The following ZNF541 variants were observed in gnomAD, a reference collection of about 807,000 sequenced individuals.
ZNF541 encodes the protein zinc finger protein 541.
A neutral mutation model predicts 123.5 loss-of-function variants in ZNF541; 23 were observed. The observed-to-expected ratio is 0.19, with a 90% CI of 0.13 to 0.26. The LOEUF is 0.26. ZNF541 is among the 10% of genes least tolerant of loss of function. The probability of loss-of-function intolerance (pLI) is 1.00; values close to 1 mark genes in which losing one functional copy is unlikely to be tolerated. For synonymous variants in ZNF541, 751 were observed against 754.5 expected, an observed-to-expected ratio of 1.00 and a Z score of 0.08; for missense variants, 1,612 against 1,789.9, an observed-to-expected ratio of 0.90 and a Z score of 1.79.
At position 47,532,900 on chromosome 19, in the gene ZNF541, C is replaced by G; in HGVS notation, c.3158+9G>C. 6.5e-7 allele frequency: 1 copy of G among 1,549,442 alleles called. No individual in the cohort carries two copies. The highest frequency in any genetic ancestry group is 8.7e-7 in the Non-Finnish European group (1 of 1,145,804). On this transcript the variant is annotated intron_variant, in intron 10 of 16. Coordinates refer to ENST00000391901, the MANE Select transcript of ZNF541 (RefSeq NM_001277075.3). ...TAAAAGCAGCTTCACTGGAAAGGAC[C>G]CAACTTACGGCTCAATGCTGATTTT...
intron 5 of ZNF541, among the ~76,000 whole-genome samples, chr19:47,542,253 T>G (rs536080841): frequency 6.6e-6 from 1 of 152,186 alleles, no homozygotes; most frequent in African/African-American, 2.4e-5. Context: ...GGGTGACAAC[T>G]AAGAAATGTG....
intron 5 of ZNF541, among the ~76,000 whole-genome samples, chr19:47,542,594 G>A (rs1371900160): frequency 2.0e-5 from 3 of 152,174 alleles, no homozygotes; most frequent in Non-Finnish European, 2.9e-5. Flanking sequence ...AGAGGCTGCA[G>A]TAAGCCAAGA....
rs1970246977 is a variant in ZNF541, at chr19:47,544,742, G to C, written c.1787C>G (p.Pro596Arg). ...CAGTGGTGGGGGCTGCTGCGGCCAC[G>C]GCCCCTGCAGCGGCCTCAGGGCGGC... ...KPAALRPLQG[P>R]WPQQPPPLAP... The change falls in exon 5 of 17, where the codon CCG becomes CGG. Residue 596 changes from proline (P) to arginine (R), a missense_variant. Pro to Arg is a moderately radical substitution (Grantham distance 103). Transcript: ENST00000391901. 1 of 1,499,610 alleles carries C rather than the reference G, an allele frequency of 6.7e-7. No homozygotes were observed. The highest frequency in any genetic ancestry group is 1.3e-5 in the South Asian group (1 of 78,504). The allele number at this position is 1,499,610 out of a possible 1,614,324, so 92.9% of individuals were successfully genotyped here. A position where few individuals can be genotyped will look rare whatever the true frequency, so the allele number is the denominator to read the frequency against.
Position 47,570,929 on chromosome 19 carries a change from CAG to C in ZNF541, c.-99+965_-99+966del, listed in dbSNP as rs1284457176. On this transcript the variant is annotated intron_variant, in intron 2 of 16. Coordinates refer to ENST00000391901, the MANE Select transcript of ZNF541 (RefSeq NM_001277075.3). ...CACCACTGCACTCCAGCCTGGGAAACAGAGAGAGACTCCATCTCAAAAAGAAA... is the reference window on the plus strand; with the variant it reads ...CACCACTGCACTCCAGCCTGGGAAACAGAGAGACTCCATCTCAAAAAGAAA... Among the ~76,000 whole-genome samples, 9 of 142,986 alleles carry C rather than the reference CAG, an allele frequency of 6.3e-5. No homozygotes were observed. The East Asian group carries it at 1.2e-3, about 20-fold the overall frequency. 93.8% of individuals were successfully genotyped at this position (142,986 alleles called of 152,430 possible).
At chr19:47,536,122 G>A (rs1969808197) in intron 9 of ZNF541, among the ~76,000 whole-genome samples, 1 of 152,346 alleles carries the variant, frequency 6.6e-6, no homozygotes, top group East Asian at 1.9e-4. Flanking sequence ...TCATGCTATT[G>A]TTTGTGGTTT....
At position 47,540,188 on chromosome 19, in the gene ZNF541, C is replaced by A; in HGVS notation, c.2610G>T (p.Lys870Asn). 2 of 1,550,864 alleles carry A rather than the reference C, an allele frequency of 1.3e-6. No homozygotes were observed. Among genetic ancestry groups the A allele is most frequent in the Non-Finnish European group, 1.7e-6 (2 of 1,146,820 alleles). The change falls in exon 7 of 17, where the codon AAG (lysine) becomes AAT (asparagine). Residue 870 changes from lysine to asparagine, a missense_variant. Around this residue, in one of 5 missense-constraint regions of ZNF541, gnomAD observed 1,080 missense variants for 1,013.8 expected, o/e 1.07. Transcript: ENST00000391901. ...CGTCCCCCTTCACCTGCGGTTCCTGCTTCCCTCGAGGTGACGGCCACTGGT... is the reference window on the plus strand; with the variant it reads ...CGTCCCCCTTCACCTGCGGTTCCTGATTCCCTCGAGGTGACGGCCACTGGT... ...HSDQWPSPRG[K>N]QEPQVFGTEF... is the part of the protein sequence containing the mutation.
chr19:47,539,736 G>A lies in ZNF541; in HGVS notation c.2765C>T (p.Pro922Leu). Residue 922 changes from proline (P) to leucine (L), a missense_variant, in exon 8 of 17, where the codon CCA (proline) becomes CTA (leucine). Physicochemically the swap from Pro to Leu is moderately conservative, Grantham distance 98 (BLOSUM62 -3). Transcript: ENST00000391901. ...CATGCTCCCTATGTGTCGGGTCACT[G>A]GAACCACGGGGATCGATTGGGGGAC... The part of the protein sequence containing the change: ...LVVPQSIPVV[P>L]VTRHIGSMAM... 1 of 1,445,766 alleles carries A rather than the reference G, an allele frequency of 6.9e-7. No individual in the cohort carries two copies. The highest frequency in any genetic ancestry group is 9.1e-7 in the Non-Finnish European group (1 of 1,103,910). 89.6% of individuals were successfully genotyped at this position (1,445,766 alleles called of 1,614,324 possible). A position where few individuals can be genotyped will look rare whatever the true frequency, so the allele number is the denominator to read the frequency against.
intron 3 of ZNF541, among the ~76,000 whole-genome samples, chr19:47,552,432 TATA>T (rs1970636597): frequency 1.3e-5 from 2 of 152,132 alleles, no homozygotes; most frequent in South Asian, 4.1e-4. Flanking sequence ...GAGAAATTAC[TATA>T]ATGAGTAGTC....
At position 47,555,664 on chromosome 19, in the gene ZNF541, T is replaced by G; in HGVS notation, c.193A>C (p.Ser65Arg). Reference protein sequence around the residue: ...DPSLPTPDMSSEVLEDNLDTL... With the variant: ...DPSLPTPDMSREVLEDNLDTL... ...TCTAAGTTGTCCTCCAGCACCTCGC[T>G]GGACATGTCAGGCGTTGGGAGGCTG... Residue 65 changes from serine (S) to arginine (R), a missense_variant, in exon 3 of 17, where the codon AGC (serine) becomes CGC (arginine). By Grantham distance (110) the Ser-to-Arg change is moderately radical (BLOSUM62 -1). Around this residue, in one of 5 missense-constraint regions of ZNF541, gnomAD observed 212 missense variants for 289.6 expected, o/e 0.73. Transcript: ENST00000391901. 1.3e-6 allele frequency: 2 copies of G among 1,551,770 alleles called. No individual in the cohort carries two copies. The highest frequency in any genetic ancestry group is 1.7e-6 in the Non-Finnish European group (2 of 1,147,008).
At chr19:47,539,294 TTTC>T (rs1395634060) in intron 8 of ZNF541, among the ~76,000 whole-genome samples, 1 of 151,362 alleles carries the variant, frequency 6.6e-6, no homozygotes, top group Non-Finnish European at 1.5e-5. Context: ...GGATCAAGAT[TTTC>T]TTTTTTTTTT....
Position 47,521,064 on chromosome 19 carries a change from T to C in ZNF541, c.*160A>G. 1.2e-6 allele frequency: 1 copy of C among 857,102 alleles called. No individual in the cohort carries two copies. The allele number at this position is 857,102 out of a possible 1,614,324, so 53.1% of individuals were successfully genotyped here. ...AGCTGTCCGACAACTGAGCTCCTCCTGCCTATCTGTGGCCAAATGCCCTCC... is the reference window on the plus strand; with the variant it reads ...AGCTGTCCGACAACTGAGCTCCTCCCGCCTATCTGTGGCCAAATGCCCTCC... On this transcript the variant is annotated 3_prime_UTR_variant, in exon 17 of 17. Transcript: ENST00000391901. This position sits in a 1 kb window ranked among gnomAD's most constrained non-coding sequence, Gnocchi z 4.2.
intron 4 of ZNF541, among the ~76,000 whole-genome samples, 183 bp downstream of exon 4, chr19:47,549,062 G>C (rs893981657): frequency 6.3e-5 from 5 of 79,044 alleles, no homozygotes; most frequent in African/African-American, 1.6e-4. Context: ...CCGGATGACA[G>C]ACAAAAAAAA....
Position 47,545,599 on chromosome 19 carries a change from G to T in ZNF541, c.930C>A (p.Pro310=). 6.5e-7 allele frequency: 1 copy of T among 1,546,932 alleles called. No homozygotes were observed. Among genetic ancestry groups the T allele is most frequent in the South Asian group, 1.2e-5 (1 of 83,800 alleles). The change falls in exon 5 of 17, where the codon CCC becomes CCA. Residue 310 remains proline (P), a synonymous_variant. Coordinates refer to ENST00000391901, the MANE Select transcript of ZNF541 (RefSeq NM_001277075.3). This position sits in a 1 kb window ranked among gnomAD's most constrained non-coding sequence, Gnocchi z 7.5. ...SEGRNTACPC[P]ASSGSSSCTP... ...TGCAGGACGAGGACCCCGATGAGGC[G>T]GGGCAGGGACAGGCAGTGTTCCTCC...
In ZNF541 at chr19:47,520,955, C is replaced by T. The variant is rs1968995690; in HGVS notation, c.*269G>A. The T allele has an allele frequency of 2.3e-6, 1 of 438,534 alleles. No individual in the cohort carries two copies. The highest frequency in any genetic ancestry group is 3.6e-5 in the Admixed American group (1 of 27,748). The allele number at this position is 438,534 out of a possible 1,614,324, so 27.2% of individuals were successfully genotyped here. On this transcript the variant is annotated 3_prime_UTR_variant, in exon 17 of 17. Coordinates refer to ENST00000391901, the MANE Select transcript of ZNF541 (RefSeq NM_001277075.3). ...ATTTTCCCCTCCCCAAGCCTCCCTG[C>T]TCTAGAAGTGGAAGGGAAAGAAGGG...
chr19:47,572,170 G>A (rs1469795810), intron 1 of ZNF541, among the ~76,000 whole-genome samples, 128 bp from the exon 2 acceptor site: 1 of 152,214 alleles, frequency 6.6e-6, no homozygotes, highest in African/African-American at 2.4e-5. Flanking sequence ...CAACAGCGGA[G>A]ATTTGAGTGA....
intron 2 of ZNF541, among the ~76,000 whole-genome samples, chr19:47,566,600 G>A (rs1439092341): frequency 1.3e-5 from 2 of 151,844 alleles, no homozygotes; most frequent in Non-Finnish European, 2.9e-5. Context: ...ACAAAAATTA[G>A]CTCGGCATAG....
At chr19:47,573,195 C>T (rs1461945996), upstream of ZNF541, among the ~76,000 whole-genome samples, 1 of 150,244 alleles carries the variant, frequency 6.7e-6, no homozygotes, top group African/African-American at 2.4e-5. Flanking sequence ...GGCCCACCCC[C>T]GGATCTCCTC....
At chr19:47,546,013 G>A (rs1292322480) in intron 4 of ZNF541, 33 bp from the exon 5 acceptor site, 1 of 1,439,406 alleles carries the variant, frequency 6.9e-7, no homozygotes, top group South Asian at 1.5e-5. Context: ...GCGTCACCGG[G>A]GCACCTGGGA....
At chr19:47,569,428 C>T (rs192292165) in intron 2 of ZNF541, among the ~76,000 whole-genome samples, 1 of 152,104 alleles carries the variant, frequency 6.6e-6, no homozygotes, top group East Asian at 1.9e-4. Context: ...AGTAACTTGC[C>T]CAAAACCAAG....
Sources: allele counts gnomAD v4.1 joint callset (sites outside exome capture counted in the v4.1 genomes callset), GRCh38; gene constraint gnomAD v4.1.1; regional missense constraint gnomAD v4.1.1; non-coding constraint Gnocchi (gnomAD v3.1); transcripts MANE v1.5; gene names NCBI Gene and HGNC (gene_info 2026-07-23, HGNC 2026-07-21).